Variants in WDR72 observed in about 807,000 individuals in gnomAD.
WDR72 encodes WD repeat domain 72.
A neutral mutation model predicts 124.2 loss-of-function variants in WDR72; 120 were observed. The observed-to-expected ratio is 0.97, with a 90% CI of 0.83 to 1.12. WDR72 has a LOEUF of 1.12. WDR72 is among the 50% of genes most tolerant of loss of function. The probability of loss-of-function intolerance (pLI) is 0.00; values close to 1 mark genes in which losing one functional copy is unlikely to be tolerated. For missense variants in WDR72, 1,387 were observed against 1,278.8 expected (o/e 1.08, Z -1.29); for synonymous variants, 452 against 441.7 (o/e 1.02, Z -0.29).
intron 13 of WDR72, among the ~76,000 whole-genome samples, chr15:53,695,948 C>G (rs771161496): frequency 5.3e-5 from 8 of 152,110 alleles, no homozygotes; most frequent in Non-Finnish European, 1.2e-4. Flanking sequence ...TTATGCTATA[C>G]CCCATACTCC....
intron 18 of WDR72, among the ~76,000 whole-genome samples, chr15:53,528,407 T>A (rs946013653): frequency 2.0e-5 from 3 of 152,100 alleles, no homozygotes; most frequent in African/African-American, 7.2e-5. Flanking sequence ...ATTAGGTATC[T>A]AACGCTTCTT....
intron 18 of WDR72, among the ~76,000 whole-genome samples, chr15:53,539,229 G>A (rs1238886706): frequency 6.6e-6 from 1 of 152,142 alleles, no homozygotes; most frequent in East Asian, 1.9e-4. Flanking sequence ...CCTTTCCTGG[G>A]TGACCTACTA....
At chr15:53,584,294 G>A (rs2140321771) in intron 18 of WDR72, among the ~76,000 whole-genome samples, 1 of 152,036 alleles carries the variant, frequency 6.6e-6, no homozygotes, top group East Asian at 1.9e-4. Flanking sequence ...CCTCAAATGG[G>A]CATGAAGAAC....
intron 13 of WDR72, 58 bp from the exon 14 acceptor site, chr15:53,665,826 G>A: frequency 6.6e-7 from 1 of 1,524,206 alleles, no homozygotes; most frequent in Admixed American, 1.7e-5. Flanking sequence ...AACAGAATAA[G>A]ACAGAACAAA....
chr15:53,584,104 A>C (rs1214061633), intron 18 of WDR72, among the ~76,000 whole-genome samples: 1 of 152,038 alleles, frequency 6.6e-6, no homozygotes, highest in Non-Finnish European at 1.5e-5. Flanking sequence ...CAAAAAAGGA[A>C]AGGGAAAAAT....
intron 14 of WDR72, among the ~76,000 whole-genome samples, chr15:53,634,516 T>TA (rs1178268319): frequency 1.3e-5 from 2 of 152,178 alleles, no homozygotes; most frequent in East Asian, 3.8e-4. Flanking sequence ...GCAAAAAACT[T>TA]ACAACATTTT....
At chr15:53,609,453 C>CAG in intron 17 of WDR72, 60 bp downstream of exon 17, 1 of 1,430,676 alleles carries the variant, frequency 7.0e-7, no homozygotes, top group Non-Finnish European at 9.8e-7. Context: ...GGGGGGTATC[C>CAG]ATGAACCACA....
chr15:53,523,715 G>C (rs1387141965), intron 18 of WDR72, among the ~76,000 whole-genome samples: 1 of 151,970 alleles, frequency 6.6e-6, no homozygotes, highest in African/African-American at 2.4e-5. Flanking sequence ...CTGTACTGGT[G>C]GCAATGTTTC....
chr15:53,589,169 T>A (rs879580718), intron 18 of WDR72, among the ~76,000 whole-genome samples: 4 of 151,500 alleles, frequency 2.6e-5, no homozygotes, highest in African/African-American at 4.9e-5. Context: ...ACTAACAGAG[T>A]CTTCTGGGGG....
In WDR72 at chr15:53,616,028, T is replaced by C. The variant is rs767944131; in HGVS notation, c.2178A>G (p.Thr726=). 1 of 1,613,260 alleles carries C rather than the reference T, an allele frequency of 6.2e-7. No homozygotes were observed. The highest frequency in any genetic ancestry group is 8.5e-7 in the Non-Finnish European group (1 of 1,179,564). The change falls in exon 15 of 20, where the codon ACA becomes ACG. Residue 726 remains threonine (T), a synonymous_variant. Coordinates refer to ENST00000360509, the MANE Select transcript of WDR72 (RefSeq NM_182758.4). ...CACAGGCAGTTTTACTTTTTCTCAG[T>C]GTCAGTGTCTTCTTCTCCACTGTGC... The part of the protein sequence containing the change: ...AKSTVEKKTL[T]LRKSKTACGP...
At chr15:53,544,224 A>C (rs1308711097) in intron 18 of WDR72, among the ~76,000 whole-genome samples, 6 of 142,662 alleles carry the variant, frequency 4.2e-5, no homozygotes, top group Non-Finnish European at 7.6e-5. Flanking sequence ...AGAATTTTAG[A>C]CCAATATCCT....
chr15:53,671,191 T>C (rs1252909762), intron 13 of WDR72, among the ~76,000 whole-genome samples: 1 of 152,182 alleles, frequency 6.6e-6, no homozygotes, highest in Non-Finnish European at 1.5e-5. Flanking sequence ...GAAGTCATAG[T>C]CTCACCCTCG....
intron 13 of WDR72, among the ~76,000 whole-genome samples, chr15:53,680,265 C>T (rs74015875): frequency 6.6e-6 from 1 of 152,090 alleles, no homozygotes; most frequent in Admixed American, 6.6e-5. Flanking sequence ...CAATTCCAAC[C>T]CCAAGCTTGG....
intron 17 of WDR72, among the ~76,000 whole-genome samples, chr15:53,608,609 T>G (rs2013391716): frequency 1.3e-5 from 2 of 151,096 alleles, no homozygotes; most frequent in African/African-American, 4.9e-5. Flanking sequence ...CAGAAAAAAT[T>G]AGCCAGGTGT....
At chr15:53,523,356 GA>G (rs749838073) in intron 18 of WDR72, 34 bp from the exon 19 acceptor site, 3 of 1,578,046 alleles carry the variant, frequency 1.9e-6, no homozygotes, top group East Asian at 2.2e-5. Context: ...GAGAGAGACA[GA>G]AGAGAGAGGA....
rs1334086808 is a variant in WDR72, at chr15:53,652,721, T to C, written c.1962+12851A>G. On this transcript the variant is annotated intron_variant, in intron 14 of 19. Coordinates refer to ENST00000360509, the MANE Select transcript of WDR72 (RefSeq NM_182758.4). ...ACAACTTTGTTATTAGAAAAAGAAGTCTAAGATTTAAGGGCAAGTAAATGG... is the reference window on the plus strand; with the variant it reads ...ACAACTTTGTTATTAGAAAAAGAAGCCTAAGATTTAAGGGCAAGTAAATGG... Among the ~76,000 whole-genome samples, 5 of 152,134 alleles carry C rather than the reference T, an allele frequency of 3.3e-5. No individual in the cohort carries two copies. In the South Asian group the frequency reaches 1.0e-3, roughly 32 times the overall value.
chr15:53,554,808 A>G (rs921777459), intron 18 of WDR72, among the ~76,000 whole-genome samples: 1 of 152,132 alleles, frequency 6.6e-6, no homozygotes, highest in Non-Finnish European at 1.5e-5. Context: ...TTTTTACATA[A>G]CCTCACTACA....
At chr15:53,541,362 G>T (rs1452130446) in intron 18 of WDR72, among the ~76,000 whole-genome samples, 17 of 152,072 alleles carry the variant, frequency 1.1e-4, no homozygotes, top group Non-Finnish European at 2.5e-4. Context: ...CTAACTGGGA[G>T]GCACCCCCCA....
intron 1 of WDR72, among the ~76,000 whole-genome samples, chr15:53,753,429 G>C (rs2018821361): frequency 6.6e-6 from 1 of 152,246 alleles, no homozygotes; most frequent in Non-Finnish European, 1.5e-5. Flanking sequence ...GATTCTAGCA[G>C]AAGCTAGGCC....
Sources: gnomAD v4.1 joint callset for allele counts (sites outside exome capture counted in the v4.1 genomes callset) on GRCh38, gnomAD v4.1.1 for gene constraint, MANE v1.5 for transcripts, NCBI Gene and HGNC (gene_info 2026-07-23, HGNC 2026-07-21) for gene names.